MED12L: variants seen among roughly 807,000 people sequenced by gnomAD.
MED12L encodes mediator complex subunit 12L.
A neutral mutation model predicts 281.3 loss-of-function variants in MED12L; 60 were observed. The ratio of observed to expected loss-of-function variants is 0.21; its 90% CI spans 0.17 to 0.26. MED12L has a LOEUF of 0.26. Ranked by LOEUF, MED12L falls within the 10% of genes least tolerant of loss-of-function variation. The pLI, the probability that MED12L is intolerant of heterozygous loss-of-function variation, is 1.00. For synonymous variants in MED12L, 974 were observed against 987.2 expected (o/e 0.99, Z 0.25); for missense variants, 2,146 against 2,680.9 (o/e 0.80, Z 4.41).
intron 25 of MED12L, among the ~76,000 whole-genome samples, chr3:151,368,674 CATGTCATTTCATTTT>C (rs1474427576): frequency 0.032 from 1,791 of 55,302 alleles, 59 homozygotes; most frequent in African/African-American, 0.11. Flanking sequence ...CATTTCATTT[CATGTCATTTCATTTT>C]ATTTCATTTC....
rs915856957 is a variant in MED12L, at chr3:151,191,678, G to A, written c.1968+747G>A. Among the ~76,000 whole-genome samples, 7 of 152,106 alleles carry A rather than the reference G, an allele frequency of 4.6e-5. No homozygotes were observed. The East Asian group carries it at 1.4e-3, about 29-fold the overall frequency. ...TCCCAGCACTTTGGGAGACTGAGGC[G>A]GGCAGACCACCCGAAGTTGGGAGTT... On this transcript the variant is annotated intron_variant, in intron 14 of 44. Coordinates refer to ENST00000687756, the MANE Select transcript of MED12L (RefSeq NM_001393769.1).
Position 151,140,805 on chromosome 3 carries a change from G to A in MED12L, c.556+12821G>A, listed in dbSNP as rs564305547. Among the ~76,000 whole-genome samples the A allele has an allele frequency of 7.9e-5, 12 of 151,968 alleles. No individual in the cohort carries two copies. The South Asian group carries it at 1.7e-3, about 21-fold the overall frequency. On this transcript the variant is annotated intron_variant, in intron 5 of 44. Transcript: ENST00000687756. ...AGTCATTCTCCTGCCTCAGCCTCCC[G>A]AGTAGCTGCGATTACAGGCACGTGC...
Position 151,214,216 on chromosome 3 carries a change from A to G in MED12L, c.2250+20550A>G, listed in dbSNP as rs746268852. 8 of 1,614,110 alleles carry G rather than the reference A, an allele frequency of 5.0e-6. No individual in the cohort carries two copies. The Admixed American group carries it at 6.7e-5, about 13-fold the overall frequency. On this transcript the variant is annotated intron_variant, in intron 16 of 44. Transcript: ENST00000687756. ...CACTCCATTGAGTAGGATTCCTGCA[A>G]TGAAGACCATACAGTACAGCACAGG... is the stretch of plus-strand genomic sequence containing the variant.
intron 16 of MED12L, chr3:151,299,972 G>T (rs893504123): frequency 3.3e-5 from 28 of 842,086 alleles, no homozygotes; most frequent in Non-Finnish European, 5.4e-5. Flanking sequence ...TTGTTAGTTG[G>T]TTCTCTGACC....
In MED12L at chr3:151,390,065, G is replaced by A. The variant is rs1713992278; in HGVS notation, c.5538G>A (p.Leu1846=). 1.2e-6 allele frequency: 2 copies of A among 1,614,002 alleles called. No homozygotes were observed. Among genetic ancestry groups the A allele is most frequent in the Non-Finnish European group, 1.7e-6 (2 of 1,179,988 alleles). ...TGATGCACCATCCACAGTCCACCTT[G>A]TGGGGTTACAACCTCGTGGGCCAGC... ...SQMMHHPQST[L]WGYNLVGQPQ... is the part of the protein sequence containing the mutation. Residue 1846 remains leucine (L), a synonymous_variant, in exon 38 of 45, where the codon TTG becomes TTA. Coordinates refer to ENST00000687756, the MANE Select transcript of MED12L (RefSeq NM_001393769.1).
chr3:151,120,940 A>G (rs1713657545), intron 3 of MED12L, among the ~76,000 whole-genome samples: 1 of 152,256 alleles, frequency 6.6e-6, no homozygotes, highest in African/African-American at 2.4e-5. Flanking sequence ...GAATTAATAC[A>G]TAAACATGCA....
intron 16 of MED12L, among the ~76,000 whole-genome samples, chr3:151,302,251 ATTG>A (rs1560003409): frequency 6.6e-6 from 1 of 152,116 alleles, no homozygotes; most frequent in Non-Finnish European, 1.5e-5. Context: ...TAAAGATATT[ATTG>A]TTTTGCTCCT....
At chr3:151,161,591 G>A (rs2060081) in intron 8 of MED12L, among the ~76,000 whole-genome samples, 32,775 of 152,074 alleles carry the variant, frequency 0.22, 3,857 homozygotes, top group African/African-American at 0.31. Flanking sequence ...TTATATTAGC[G>A]TATGGATAGC....
intron 15 of MED12L, 81 bp downstream of exon 15, chr3:151,192,735 T>A: frequency 1.2e-6 from 1 of 844,886 alleles, no homozygotes; most frequent in Non-Finnish European, 1.9e-6. Flanking sequence ...TTCTGTGTTC[T>A]CAGAATGACT....
At chr3:151,337,377 G>A (rs2149923525) in intron 16 of MED12L, 1 of 160,802 alleles carries the variant, frequency 6.2e-6, no homozygotes, top group African/African-American at 2.4e-5. Context: ...ATTTGGTTAG[G>A]GGACTAGGAT....
chr3:151,421,475 A>G (rs1718242337), intron 43 of MED12L, among the ~76,000 whole-genome samples: 1 of 151,908 alleles, frequency 6.6e-6, no homozygotes, highest in Non-Finnish European at 1.5e-5. Context: ...CAGTGGCGCA[A>G]TCTTGGCTCA....
chr3:151,095,999 A>G (rs1352374519), intron 2 of MED12L, among the ~76,000 whole-genome samples: 2 of 152,236 alleles, frequency 1.3e-5, no homozygotes, highest in Non-Finnish European at 2.9e-5. Context: ...TTCCTGTCTG[A>G]TAAAAGTACA....
At chr3:151,087,113 C>A in intron 2 of MED12L, 88 bp downstream of exon 2, 1 of 1,101,480 alleles carries the variant, frequency 9.1e-7, no homozygotes, top group Non-Finnish European at 1.3e-6. Context: ...GCATCGCCGG[C>A]GCTGCGGTGG....
At chr3:151,223,994 T>C (rs1230123270) in intron 16 of MED12L, among the ~76,000 whole-genome samples, 2 of 152,230 alleles carry the variant, frequency 1.3e-5, no homozygotes, top group African/African-American at 4.8e-5. Context: ...TGATATTTTA[T>C]TTCTTAAATT....
intron 5 of MED12L, among the ~76,000 whole-genome samples, chr3:151,149,908 C>T (rs970371576): frequency 6.6e-6 from 1 of 152,184 alleles, no homozygotes; most frequent in African/African-American, 2.4e-5. Context: ...AATTCAGTCC[C>T]ATCTTCAGGC....
chr3:151,114,754 G>GTT (rs777345417), intron 2 of MED12L, among the ~76,000 whole-genome samples: 23 of 139,254 alleles, frequency 1.7e-4, no homozygotes, highest in Admixed American at 1.1e-3. Flanking sequence ...GGGCAAGAAG[G>GTT]TTTTTTTTTT....
At chr3:151,259,498 A>T (rs1738468636) in intron 16 of MED12L, among the ~76,000 whole-genome samples, 1 of 152,218 alleles carries the variant, frequency 6.6e-6, no homozygotes, top group Non-Finnish European at 1.5e-5. Context: ...AGCAGGAGTG[A>T]ACTGGGTCTG....
At chr3:151,364,109 A>T (rs1754983985) in intron 21 of MED12L, among the ~76,000 whole-genome samples, 1 of 152,194 alleles carries the variant, frequency 6.6e-6, no homozygotes, top group African/African-American at 2.4e-5. Context: ...TTGAGTAGAG[A>T]GAGTGAATGT....
intron 8 of MED12L, among the ~76,000 whole-genome samples, chr3:151,162,800 A>G (rs1478920683): frequency 6.6e-6 from 1 of 152,212 alleles, no homozygotes; most frequent in Non-Finnish European, 1.5e-5. Context: ...GCACAAGAGC[A>G]TAATGGCTTA....
Sources: allele counts gnomAD v4.1 joint callset (sites outside exome capture counted in the v4.1 genomes callset), GRCh38; gene constraint gnomAD v4.1.1; transcripts MANE v1.5; gene names NCBI Gene and HGNC (gene_info 2026-07-23, HGNC 2026-07-21).